The following ATP6V0A1 variants were observed in gnomAD, a reference collection of about 807,000 sequenced individuals.
ATP6V0A1 encodes ATPase H+ transporting V0 subunit a1.
In ATP6V0A1, 43 loss-of-function variants were observed where a neutral mutation model predicts 105.4. The ratio of observed to expected loss-of-function variants is 0.41; its 90% CI spans 0.32 to 0.53. The LOEUF (loss-of-function observed/expected upper bound fraction) is 0.53, where lower values mean the gene tolerates loss of function less well. Among genes scored for constraint, ATP6V0A1 ranks in the 20% least tolerant of loss-of-function variants. ATP6V0A1 has a pLI of 0.30. For missense variants in ATP6V0A1, 676 were observed against 1,051.1 expected (o/e 0.64, Z 4.93); for synonymous variants, 362 against 372.8 (o/e 0.97, Z 0.33).
intron 17 of ATP6V0A1, among the ~76,000 whole-genome samples, chr17:42,503,353 G>A (rs2091822703): frequency 6.6e-6 from 1 of 152,180 alleles, no homozygotes; most frequent in Non-Finnish European, 1.5e-5. Flanking sequence ...GAAAGTGAAA[G>A]TTTATACATG....
rs138847040 is a variant in ATP6V0A1, at chr17:42,512,282, C to T, written c.2131-1579C>T. On this transcript the variant is annotated intron_variant, in intron 19 of 21. Transcript: ENST00000343619. Reference sequence around the variant, plus strand: ...TAAGGCCTGGAAGCGAGGCTTCTCTCCTGTCCTGCAGTTTATTCGGTGGGA... The same window carrying T: ...TAAGGCCTGGAAGCGAGGCTTCTCTTCTGTCCTGCAGTTTATTCGGTGGGA... Among the ~76,000 whole-genome samples, 52 of 152,328 alleles carry T rather than the reference C, an allele frequency of 3.4e-4. No individual in the cohort carries two copies. In the East Asian group the frequency reaches 9.8e-3, roughly 29 times the overall value.
chr17:42,494,289 T>A (rs1384028440), intron 11 of ATP6V0A1, 45 bp from the exon 12 acceptor site: 1 of 1,540,780 alleles, frequency 6.5e-7, no homozygotes, highest in Non-Finnish European at 8.9e-7. Context: ...GGAATTGCTA[T>A]GGTTTAATGT....
chr17:42,485,539 G>GTTTGT (rs369394543), intron 9 of ATP6V0A1, among the ~76,000 whole-genome samples: 12,383 of 151,458 alleles, frequency 0.082, 567 homozygotes, highest in East Asian at 0.14. Context: ...TGTTTTGTTT[G>GTTTGT]TTTGTTTTGT....
intron 19 of ATP6V0A1, among the ~76,000 whole-genome samples, 195 bp downstream of exon 19, chr17:42,508,784 C>T (rs1243962292): frequency 6.6e-6 from 1 of 152,216 alleles, no homozygotes; most frequent in Non-Finnish European, 1.5e-5. Flanking sequence ...CATCTCATGT[C>T]GGTCACCTCT....
At position 42,478,492 on chromosome 17, in the gene ATP6V0A1, G is replaced by A. The variant is rs565034112; in HGVS notation, c.536G>A (p.Arg179His). 3.1e-6 allele frequency: 5 copies of A among 1,608,214 alleles called. No individual in the cohort carries two copies. Among genetic ancestry groups the A allele is most frequent in the Non-Finnish European group, 3.4e-6 (4 of 1,176,558 alleles). ...GFVAGVINRE[R>H]IPTFERMLWR... ...GTGGCTGGTGTCATTAACCGGGAGC[G>A]CATCCCTACTTTTGAGCGCATGCTT... The change falls in exon 7 of 22, where the codon CGC (arginine) becomes CAC (histidine). Residue 179 changes from arginine to histidine, a missense_variant. This residue lies in a region of ATP6V0A1 where 239 missense variants were observed against 388.4 expected (regional missense o/e 0.62). Coordinates refer to ENST00000343619, the MANE Select transcript of ATP6V0A1 (RefSeq NM_001130021.3).
At chr17:42,474,818 C>T (rs2088510744) in intron 5 of ATP6V0A1, among the ~76,000 whole-genome samples, 1 of 152,050 alleles carries the variant, frequency 6.6e-6, no homozygotes, top group African/African-American at 2.4e-5. Context: ...TATATTTAGG[C>T]ATAGGAGTTA....
chr17:42,486,679 C>T (rs2090144635), intron 9 of ATP6V0A1, among the ~76,000 whole-genome samples: 1 of 152,198 alleles, frequency 6.6e-6, no homozygotes, highest in African/African-American at 2.4e-5. Flanking sequence ...TCTCCTGGCC[C>T]ATGTTCCCAG....
chr17:42,495,783 T>A, intron 14 of ATP6V0A1, 67 bp downstream of exon 14: 2 of 1,344,562 alleles, frequency 1.5e-6, no homozygotes, highest in Non-Finnish European at 2.1e-6. Flanking sequence ...GCAAGAGAAT[T>A]AAAATGAAGA....
rs1328221661 is a variant in ATP6V0A1 at position 42,495,084 on chromosome 17, G to A, written c.1365G>A (p.Val455=). The A allele has an allele frequency of 6.2e-7, 1 of 1,613,968 alleles. No homozygotes were observed. The highest frequency in any genetic ancestry group is 1.1e-5 in the South Asian group (1 of 91,068). The part of the protein sequence containing the change: ...SGRYIILLMG[V]FSMYTGLIYN... ...GATACATTATTTTATTGATGGGTGTGTTCTCCATGTACACTGGCCTCATCT... is the reference window on the plus strand; with the variant it reads ...GATACATTATTTTATTGATGGGTGTATTCTCCATGTACACTGGCCTCATCT... The change falls in exon 13 of 22, where the codon GTG becomes GTA. Residue 455 remains valine (V), a synonymous_variant. Transcript: ENST00000343619.
intron 9 of ATP6V0A1, among the ~76,000 whole-genome samples, chr17:42,486,422 AT>A (rs2090122244): frequency 6.6e-6 from 1 of 152,088 alleles, no homozygotes; most frequent in Non-Finnish European, 1.5e-5. Flanking sequence ...AAAAAAAAAA[AT>A]TAAATATTTG....
At chr17:42,497,900 C>A (rs918798667) in intron 14 of ATP6V0A1, among the ~76,000 whole-genome samples, 2 of 148,986 alleles carry the variant, frequency 1.3e-5, no homozygotes, top group Admixed American at 1.4e-4. Context: ...CCACTGCACT[C>A]CAGCCTGGGT....
At chr17:42,506,387 G>A (rs993421097) in intron 17 of ATP6V0A1, among the ~76,000 whole-genome samples, 15 of 152,218 alleles carry the variant, frequency 9.9e-5, no homozygotes, top group African/African-American at 3.4e-4. Context: ...GAGTAGGAGG[G>A]AGGATTTGTG....
At chr17:42,515,311 A>G (rs2092566280) in intron 21 of ATP6V0A1, among the ~76,000 whole-genome samples, 1 of 151,462 alleles carries the variant, frequency 6.6e-6, no homozygotes, top group South Asian at 2.1e-4. Context: ...TACTAAATAT[A>G]CAAAAATTAG....
At chr17:42,462,505 C>T (rs531866996) in intron 2 of ATP6V0A1, among the ~76,000 whole-genome samples, 8 of 152,094 alleles carry the variant, frequency 5.3e-5, no homozygotes, top group African/African-American at 7.2e-5. Context: ...TTGCAGCCTC[C>T]GCCTCCCAGG....
At chr17:42,489,741 C>A (rs183591945) in intron 10 of ATP6V0A1, among the ~76,000 whole-genome samples, 1 of 151,912 alleles carries the variant, frequency 6.6e-6, no homozygotes, top group African/African-American at 2.4e-5. Flanking sequence ...AGTTCAGTTC[C>A]GGGCACATTG....
At chr17:42,464,852 C>T (rs913059773) in intron 2 of ATP6V0A1, among the ~76,000 whole-genome samples, 8 of 152,080 alleles carry the variant, frequency 5.3e-5, no homozygotes, top group African/African-American at 1.9e-4. Flanking sequence ...GTATCTGACA[C>T]CTATTTGGTG....
chr17:42,496,775 G>A (rs950836170), intron 14 of ATP6V0A1, among the ~76,000 whole-genome samples: 1 of 152,116 alleles, frequency 6.6e-6, no homozygotes, highest in Non-Finnish European at 1.5e-5. Flanking sequence ...GGAGGAGGTT[G>A]CAGTGAGCCC....
Position 42,483,135 on chromosome 17 carries a change from T to A in ATP6V0A1, c.810+4T>A, listed in dbSNP as rs551292997. The A allele has an allele frequency of 3.3e-6, 5 of 1,505,112 alleles. No homozygotes were observed. The East Asian group carries it at 9.6e-5, about 29-fold the overall frequency. 93.2% of individuals were successfully genotyped at this position (1,505,112 alleles called of 1,614,324 possible). A position where few individuals can be genotyped will look rare whatever the true frequency, so the allele number is the denominator to read the frequency against. ...CAGGATTGATGATCTCCAAATGGTA[T>A]GCAGAAGGCTGGAGGGAATTTGTTT... On this transcript the variant is annotated splice_donor_region_variant and intron_variant, in intron 9 of 21. Coordinates refer to ENST00000343619, the MANE Select transcript of ATP6V0A1 (RefSeq NM_001130021.3).
intron 17 of ATP6V0A1, among the ~76,000 whole-genome samples, chr17:42,505,367 G>A (rs1013990397): frequency 3.9e-5 from 6 of 152,088 alleles, no homozygotes; most frequent in African/African-American, 7.2e-5. Context: ...CACCTCCCCC[G>A]GCTAATTTTT....
Sources: allele counts gnomAD v4.1 joint callset (sites outside exome capture counted in the v4.1 genomes callset), GRCh38; gene constraint gnomAD v4.1.1; regional missense constraint gnomAD v4.1.1; transcripts MANE v1.5; gene names NCBI Gene and HGNC (gene_info 2026-07-23, HGNC 2026-07-21).